The following AHCYL2 variants were observed in gnomAD, a reference collection of about 807,000 sequenced individuals.
AHCYL2 encodes adenosylhomocysteinase like 2.
AHCYL2 carries 28 observed loss-of-function variants against 81.4 expected under a neutral mutation model. The ratio of observed to expected loss-of-function variants is 0.34; its 90% CI spans 0.25 to 0.47. The LOEUF (loss-of-function observed/expected upper bound fraction) is 0.47, where lower values mean the gene tolerates loss of function less well. AHCYL2 is among the 20% of genes least tolerant of loss of function. The pLI is 1.00. For synonymous variants in AHCYL2, 272 were observed against 290.2 expected (o/e 0.94, Z 0.64); for missense variants, 551 against 785.1 (o/e 0.70, Z 3.56).
intron 12 of AHCYL2, among the ~76,000 whole-genome samples, chr7:129,416,538 C>T (rs1373910705): frequency 2.0e-5 from 3 of 152,184 alleles, no homozygotes; most frequent in African/African-American, 7.2e-5. Flanking sequence ...TGGCTCACGC[C>T]TGTAATCCCA....
intron 1 of AHCYL2, among the ~76,000 whole-genome samples, chr7:129,287,332 G>A (rs891433702): frequency 1.3e-5 from 2 of 152,212 alleles, no homozygotes; most frequent in African/African-American, 4.8e-5. Flanking sequence ...GTTTATGTGT[G>A]AGAAAAGAGA....
rs35056717 is a variant in AHCYL2, at chr7:129,230,079, CTTTT to C, written c.363+4660_363+4663del. On this transcript the variant is annotated intron_variant, in intron 1 of 16. Transcript: ENST00000325006. ...TTTACATATACTGTTTTATTTAATT[CTTTT>C]TTTTTTTTTTTTTTTTTTTGAGACC... Among the ~76,000 whole-genome samples, 10 of 109,430 alleles carry C rather than the reference CTTTT, an allele frequency of 9.1e-5. 1 individual carries two copies. Among genetic ancestry groups the C allele is most frequent in the African/African-American group, 3.5e-4 (10 of 28,764 alleles). 71.8% of individuals were successfully genotyped at this position (109,430 alleles called of 152,430 possible). A position where few individuals can be genotyped will look rare whatever the true frequency, so the allele number is the denominator to read the frequency against.
chr7:129,368,473 A>G lies in AHCYL2; in HGVS notation c.364-11165A>G, dbSNP rs777767469. Reference sequence around the variant, plus strand: ...CCAGCTTTCCCTTTTGCTTCAGGACATATCTTACCCAAGCCTGCACTATGG... The same window carrying G: ...CCAGCTTTCCCTTTTGCTTCAGGACGTATCTTACCCAAGCCTGCACTATGG... On this transcript the variant is annotated intron_variant, in intron 1 of 16. Coordinates refer to ENST00000325006, the MANE Select transcript of AHCYL2 (RefSeq NM_015328.4). This position sits in a 1 kb window ranked among gnomAD's most constrained non-coding sequence, Gnocchi z 4.4. The G allele has an allele frequency of 2.5e-6, 4 of 1,613,990 alleles. No homozygotes were observed. The highest frequency in any genetic ancestry group is 2.2e-5 in the South Asian group (2 of 91,086).
chr7:129,274,658 G>T (rs1295027764), intron 1 of AHCYL2, among the ~76,000 whole-genome samples: 1 of 152,118 alleles, frequency 6.6e-6, no homozygotes, highest in Non-Finnish European at 1.5e-5. Flanking sequence ...TCTTCTGCCT[G>T]TGCCCGTTGG....
In AHCYL2 at chr7:129,261,111, T is replaced by C. The variant is rs181607509; in HGVS notation, c.363+35672T>C. On this transcript the variant is annotated intron_variant, in intron 1 of 16. Coordinates refer to ENST00000325006, the MANE Select transcript of AHCYL2 (RefSeq NM_015328.4). ...GGCCTGAAATGGATTTCTTATTCGC[T>C]GTATACTTCTAAAAAATAAATGCAT... Among the ~76,000 whole-genome samples the C allele has an allele frequency of 2.2e-3, 334 of 152,292 alleles. 1 individual carries two copies. The highest frequency in any genetic ancestry group is 7.2e-3 in the African/African-American group (299 of 41,558).
At chr7:129,404,471 T>A (rs547808237) in intron 7 of AHCYL2, among the ~76,000 whole-genome samples, 38 of 152,244 alleles carry the variant, frequency 2.5e-4, no homozygotes, top group African/African-American at 8.2e-4. Context: ...GGTCAGGAGT[T>A]CAAGACCAGC....
At chr7:129,299,276 C>T (rs148117982) in intron 1 of AHCYL2, among the ~76,000 whole-genome samples, 3 of 101,664 alleles carry the variant, frequency 3.0e-5, no homozygotes, top group Non-Finnish European at 6.9e-5. Context: ...GTCCCCTCCT[C>T]TACCAAAAAA....
At chr7:129,294,608 A>C (rs1335228603) in intron 1 of AHCYL2, among the ~76,000 whole-genome samples, 1 of 152,174 alleles carries the variant, frequency 6.6e-6, no homozygotes. Context: ...GTCTCTAAAT[A>C]TCTCTCTTTC....
intron 1 of AHCYL2, among the ~76,000 whole-genome samples, chr7:129,239,856 G>A (rs1232044589): frequency 6.6e-6 from 1 of 150,570 alleles, no homozygotes; most frequent in African/African-American, 2.4e-5. Flanking sequence ...ATACATAACA[G>A]AACCCCTGCC....
intron 1 of AHCYL2, among the ~76,000 whole-genome samples, chr7:129,267,231 G>GTGTGTGTGTGTGTGTA: frequency 1.3e-5 from 1 of 74,494 alleles, no homozygotes; most frequent in South Asian, 6.5e-4. Flanking sequence ...CACTCAAGGG[G>GTGTGTGTGTGTGTGTA]TGTGTGTGTG....
chr7:129,342,096 A>G, intron 1 of AHCYL2, among the ~76,000 whole-genome samples: 1 of 152,206 alleles, frequency 6.6e-6, no homozygotes, highest in East Asian at 1.9e-4. Context: ...AGAGTTTAAT[A>G]AGAAGGAGAC....
chr7:129,404,692 CAATA>C lies in AHCYL2; in HGVS notation c.1026-402_1026-399del, dbSNP rs560560037. Reference sequence around the variant, plus strand: ...CTCCATCTCAAAACAAACAAACAAACAATAAAAGCACAAACAGCCAGGCGTAGTC... The same window carrying C: ...CTCCATCTCAAAACAAACAAACAAACAAAGCACAAACAGCCAGGCGTAGTC... On this transcript the variant is annotated intron_variant, in intron 7 of 16. Transcript: ENST00000325006. Among the ~76,000 whole-genome samples the C allele has an allele frequency of 2.5e-3, 381 of 152,238 alleles. 2 individuals are homozygous for C. The highest frequency in any genetic ancestry group is 4.0e-3 in the Non-Finnish European group (273 of 68,010).
intron 1 of AHCYL2, among the ~76,000 whole-genome samples, chr7:129,321,743 G>GTTTTTTTTTTTTTTTTTTTTTTTCTTT: frequency 6.4e-5 from 5 of 77,626 alleles, no homozygotes; most frequent in South Asian, 5.4e-4. Context: ...TTCTTTCTTT[G>GTTTTTTTTTTTTTTTTTTTTTTTCTTT]TTTTTTTTTT....
intron 1 of AHCYL2, among the ~76,000 whole-genome samples, chr7:129,327,916 C>T (rs909212833): frequency 3.3e-5 from 5 of 152,128 alleles, no homozygotes; most frequent in African/African-American, 1.2e-4. Context: ...GACTCAGCCT[C>T]CCCAGTAGCT....
At chr7:129,408,177 A>G (rs540287902) in intron 10 of AHCYL2, among the ~76,000 whole-genome samples, 3 of 152,344 alleles carry the variant, frequency 2.0e-5, no homozygotes, top group Non-Finnish European at 2.9e-5. Flanking sequence ...AAGTATTTTA[A>G]GGAAAGGAAG....
intron 1 of AHCYL2, among the ~76,000 whole-genome samples, chr7:129,271,754 G>A (rs1367282644): frequency 6.6e-6 from 1 of 152,154 alleles, no homozygotes. Context: ...TGTAATAAAT[G>A]TCATAGAAAA....
At chr7:129,402,156 T>C (rs1796067960) in intron 6 of AHCYL2, among the ~76,000 whole-genome samples, 1 of 152,188 alleles carries the variant, frequency 6.6e-6, no homozygotes, top group Admixed American at 6.5e-5. Context: ...AGGGATTCCA[T>C]ACATGGAGAA....
intron 1 of AHCYL2, among the ~76,000 whole-genome samples, chr7:129,252,835 A>G (rs1795289065): frequency 2.0e-5 from 3 of 152,034 alleles, no homozygotes; most frequent in Admixed American, 1.3e-4. Context: ...TTGATAGATA[A>G]ATAGATAGCA....
intron 12 of AHCYL2, among the ~76,000 whole-genome samples, chr7:129,415,264 G>T (rs979890547): frequency 1.3e-5 from 2 of 152,188 alleles, no homozygotes; most frequent in African/African-American, 2.4e-5. Flanking sequence ...AAGGGGAAAG[G>T]CCTAAAGGGA....
Sources: allele counts gnomAD v4.1 joint callset (sites outside exome capture counted in the v4.1 genomes callset), GRCh38; gene constraint gnomAD v4.1.1; non-coding constraint Gnocchi (gnomAD v3.1); transcripts MANE v1.5; gene names NCBI Gene and HGNC (gene_info 2026-07-23, HGNC 2026-07-21).